Variants in HMCN1 observed in about 807,000 individuals in gnomAD.
The protein encoded by HMCN1 is hemicentin 1, also known as hemicentin-1.
A neutral mutation model predicts 625.9 loss-of-function variants in HMCN1; 321 were observed. That is an observed-to-expected ratio of 0.51 (90% CI 0.47 to 0.56). The LOEUF (loss-of-function observed/expected upper bound fraction) is 0.56. HMCN1 is among the 20% of genes least tolerant of loss of function. The pLI is 0.00. For missense variants in HMCN1, 6,588 were observed against 6,887.3 expected (o/e 0.96, Z 1.54); for synonymous variants, 2,425 against 2,417.6 (o/e 1.00, Z -0.09).
At chr1:185,789,383 G>C (rs1471587187) in intron 1 of HMCN1, among the ~76,000 whole-genome samples, 1 of 152,116 alleles carries the variant, frequency 6.6e-6, no homozygotes, top group Non-Finnish European at 1.5e-5. Flanking sequence ...ACATGACATG[G>C]TATTCATACC....
At chr1:185,958,897 C>T (rs184009998) in intron 11 of HMCN1, among the ~76,000 whole-genome samples, 1 of 152,300 alleles carries the variant, frequency 6.6e-6, no homozygotes, top group East Asian at 1.9e-4. Context: ...GTAATAGGCA[C>T]TGACGGAAGG....
chr1:186,159,284 T>C (rs909291341), intron 97 of HMCN1, among the ~76,000 whole-genome samples: 3 of 152,254 alleles, frequency 2.0e-5, no homozygotes, highest in African/African-American at 7.2e-5. Context: ...CCTGAGACTT[T>C]GCTGAAGTTG....
chr1:186,117,008 G>C lies in HMCN1; in HGVS notation c.11576G>C (p.Gly3859Ala). Residue 3859 changes from glycine (G) to alanine (A), a missense_variant, in exon 76 of 107, where the codon GGT (glycine) becomes GCT (alanine). Transcript: ENST00000271588. The stretch of plus-strand genomic sequence containing the variant: ...GTGTCTTCTAGGCTCCTTTCTTCAG[G>C]TTCACTAGTAATTATTTCCCCTTCT... ...NQNSYRLLSS[G>A]SLVIISPSVD... is the part of the protein sequence containing the mutation. 1 of 1,612,982 alleles carries C rather than the reference G, an allele frequency of 6.2e-7. No homozygotes were observed. The highest frequency in any genetic ancestry group is 8.5e-7 in the Non-Finnish European group (1 of 1,179,254).
rs1025818213 is a variant in HMCN1 at position 185,983,089 on chromosome 1, TTTA to T, written c.2790+710_2790+712del. Among the ~76,000 whole-genome samples, 3 of 152,236 alleles carry T rather than the reference TTTA, an allele frequency of 2.0e-5. No homozygotes were observed. The East Asian group carries it at 5.8e-4, about 29-fold the overall frequency. ...AATTCTTCCATTTTATATATCAATC[TTTA>T]TTATTATTAACTTTAAACATATCTC... On this transcript the variant is annotated intron_variant, in intron 18 of 106. Coordinates refer to ENST00000271588, the MANE Select transcript of HMCN1 (RefSeq NM_031935.3).
intron 100 of HMCN1, among the ~76,000 whole-genome samples, chr1:186,168,936 G>C (rs1652057754): frequency 6.6e-6 from 1 of 151,866 alleles, no homozygotes; most frequent in South Asian, 2.1e-4. Flanking sequence ...TCCCTCAACA[G>C]GCCCTGGTGC....
chr1:186,059,773 A>G (rs1657565149), intron 46 of HMCN1, among the ~76,000 whole-genome samples: 1 of 152,044 alleles, frequency 6.6e-6, no homozygotes. Context: ...AACTGTTATA[A>G]AAATTTAATA....
chr1:185,962,906 T>G (rs1460306885), intron 12 of HMCN1, among the ~76,000 whole-genome samples: 1 of 152,164 alleles, frequency 6.6e-6, no homozygotes, highest in African/African-American at 2.4e-5. Context: ...GAGCTGCAAA[T>G]GTAGCACCAA....
chr1:186,055,918 T>C (rs1418491765), intron 45 of HMCN1, among the ~76,000 whole-genome samples: 2 of 151,970 alleles, frequency 1.3e-5, no homozygotes, highest in Non-Finnish European at 2.9e-5. Context: ...AAGTAGAAAA[T>C]TGTTGTCTTC....
At chr1:185,781,597 C>T (rs555566429) in intron 1 of HMCN1, among the ~76,000 whole-genome samples, 3 of 152,282 alleles carry the variant, frequency 2.0e-5, no homozygotes, top group South Asian at 2.1e-4. Context: ...GCCTTCATTT[C>T]GTTATGTACC....
At chr1:185,804,961 CTTG>C (rs1047020438) in intron 1 of HMCN1, among the ~76,000 whole-genome samples, 96 of 152,042 alleles carry the variant, frequency 6.3e-4, no homozygotes, top group African/African-American at 2.3e-3. Flanking sequence ...TCTCTATTGA[CTTG>C]TTGTAATAGT....
chr1:186,059,880 G>C (rs1056389250), intron 46 of HMCN1, among the ~76,000 whole-genome samples: 2 of 151,978 alleles, frequency 1.3e-5, no homozygotes, highest in African/African-American at 4.8e-5. Context: ...AAAGAGAAAA[G>C]GAGAATCGTG....
chr1:185,965,664 C>T, intron 13 of HMCN1, 138 bp from the exon 14 acceptor site: 1 of 701,908 alleles, frequency 1.4e-6, no homozygotes, highest in Non-Finnish European at 2.6e-6. Flanking sequence ...ATGTGCATTA[C>T]AAGAGTTTCT....
intron 5 of HMCN1, among the ~76,000 whole-genome samples, chr1:185,911,072 G>T (rs1359329619): frequency 6.6e-6 from 1 of 152,140 alleles, no homozygotes; most frequent in East Asian, 1.9e-4. Context: ...TCCTATGACA[G>T]ATAAAAGCCT....
chr1:186,115,092 C>T (rs1214520790), intron 74 of HMCN1, 146 bp downstream of exon 74: 31 of 1,410,876 alleles, frequency 2.2e-5, no homozygotes, highest in Non-Finnish European at 3.0e-5. Flanking sequence ...AAGTTTTCTC[C>T]TTAGTATAGT....
chr1:185,858,710 C>T (rs1280324052), intron 2 of HMCN1, among the ~76,000 whole-genome samples: 1 of 139,748 alleles, frequency 7.2e-6, no homozygotes, highest in African/African-American at 2.6e-5. Flanking sequence ...TTTGGCCTTC[C>T]AAACTGCTGA....
At position 185,990,264 on chromosome 1, in the gene HMCN1, G is replaced by A. The variant is rs900713063; in HGVS notation, c.3209-11G>A. On this transcript the variant is annotated splice_polypyrimidine_tract_variant and intron_variant, in intron 21 of 106. Coordinates refer to ENST00000271588, the MANE Select transcript of HMCN1 (RefSeq NM_031935.3). ...ATACTGTTTCCCTTCCAAAACATGT[G>A]TTTATTTTAGTAAGGCCCAGAGTGT... 1 of 1,612,896 alleles carries A rather than the reference G, an allele frequency of 6.2e-7. No individual in the cohort carries two copies. The highest frequency in any genetic ancestry group is 1.7e-5 in the Admixed American group (1 of 60,016).
chr1:186,052,978 G>T lies in HMCN1; in HGVS notation c.6604G>T (p.Glu2202Ter), dbSNP rs1386632359. 1.2e-6 allele frequency: 2 copies of T among 1,607,380 alleles called. No homozygotes were observed. Among genetic ancestry groups the T allele is most frequent in the Admixed American group, 1.7e-5 (1 of 59,790 alleles). ...WVPPNIGGSD[E>*]LTQLTVIEGN... Reference sequence around the variant, plus strand: ...CCCCCCAAATATTGGTGGTTCTGATGAACTTACTCAACTTACAGTCATTGA... The same window carrying T: ...CCCCCCAAATATTGGTGGTTCTGATTAACTTACTCAACTTACAGTCATTGA... The change falls in exon 43 of 107, where the codon GAA (glutamate) becomes TAA (stop). Residue 2202 changes from glutamate to a stop codon, truncating the protein, a stop_gained. Coordinates refer to ENST00000271588, the MANE Select transcript of HMCN1 (RefSeq NM_031935.3). LOFTEE classifies it high-confidence loss of function.
In HMCN1 at chr1:185,947,854, T is replaced by C. The variant is rs141286437; in HGVS notation, c.1828+14030T>C. Among the ~76,000 whole-genome samples the C allele has an allele frequency of 4.6e-5, 7 of 152,374 alleles. No homozygotes were observed. In the East Asian group the frequency reaches 1.3e-3, roughly 29 times the overall value. On this transcript the variant is annotated intron_variant, in intron 11 of 106. Coordinates refer to ENST00000271588, the MANE Select transcript of HMCN1 (RefSeq NM_031935.3). ...TTATGTGAACAAGCACATTTGTCCA[T>C]TGTAAATCATTCTTAGTGAGATTTT... is the stretch of plus-strand genomic sequence containing the variant.
In HMCN1 at chr1:186,095,537, G is replaced by T; in HGVS notation, c.10573+16G>T. 6.2e-7 allele frequency: 1 copy of T among 1,609,232 alleles called. No homozygotes were observed. The highest frequency in any genetic ancestry group is 1.1e-5 in the South Asian group (1 of 90,722). On this transcript the variant is annotated intron_variant, in intron 68 of 106. Transcript: ENST00000271588. Reference sequence around the variant, plus strand: ...AAGGTCCTAGGTATGTAAACATTGTGGTAAATGTAGAATAATTGGAAAGTA... The same window carrying T: ...AAGGTCCTAGGTATGTAAACATTGTTGTAAATGTAGAATAATTGGAAAGTA...
Sources: allele counts gnomAD v4.1 joint callset (sites outside exome capture counted in the v4.1 genomes callset), GRCh38; gene constraint gnomAD v4.1.1; transcripts MANE v1.5; gene names NCBI Gene and HGNC (gene_info 2026-07-23, HGNC 2026-07-21).